Variants in PLEKHA5 observed in about 807,000 individuals in gnomAD.
PLEKHA5 encodes the protein pleckstrin homology domain-containing family A member 5.
In PLEKHA5, 55 loss-of-function variants were observed where a neutral mutation model predicts 181.9. That is an observed-to-expected ratio of 0.30 (90% CI 0.24 to 0.38). The LOEUF is 0.38. PLEKHA5 is among the 10% of genes least tolerant of loss of function. The pLI is 1.00. For synonymous variants in PLEKHA5, 535 were observed against 529.4 expected (o/e 1.01, Z -0.15); for missense variants, 1,432 against 1,549.5 (o/e 0.92, Z 1.27).
intron 21 of PLEKHA5, among the ~76,000 whole-genome samples, chr12:19,338,623 A>G (rs529846434): frequency 1.3e-4 from 19 of 151,832 alleles, no homozygotes; most frequent in Admixed American, 2.6e-4. Context: ...AAAAAAACAC[A>G]AAGTGCTGAG....
intron 28 of PLEKHA5, 55 bp downstream of exon 28, chr12:19,359,601 A>T (rs1034408838): frequency 1.5e-5 from 22 of 1,488,772 alleles, no homozygotes; most frequent in Non-Finnish European, 1.9e-6. Context: ...GTGAAGATTA[A>T]ATCAAGTGGT....
At chr12:19,172,455 A>AC (rs762199301) in intron 3 of PLEKHA5, among the ~76,000 whole-genome samples, 23 of 152,094 alleles carry the variant, frequency 1.5e-4, no homozygotes, top group Non-Finnish European at 2.9e-4. Flanking sequence ...AAAACAAACG[A>AC]CCCGGGGGGG....
rs200294181 is a variant in PLEKHA5, at chr12:19,252,189, C to CA, written c.228-1744dup. 3.0e-3 allele frequency among the ~76,000 whole-genome samples: 455 copies of CA among 151,674 alleles called. 2 individuals carry two copies. Among genetic ancestry groups the CA allele is most frequent in the African/African-American group, 0.011 (441 of 41,364 alleles). On this transcript the variant is annotated intron_variant, in intron 3 of 31. Coordinates refer to ENST00000429027, the MANE Select transcript of PLEKHA5 (RefSeq NM_001256470.2). ...TAAAGCTTCAGAGTATTGAGTTACC[C>CA]AAAAAAATATGAAAATTAGGATTTG... is the stretch of plus-strand genomic sequence containing the variant.
intron 15 of PLEKHA5, among the ~76,000 whole-genome samples, chr12:19,313,989 G>A (rs1275287276): frequency 1.3e-5 from 2 of 152,092 alleles, no homozygotes; most frequent in Non-Finnish European, 2.9e-5. Context: ...TGAAAATTAA[G>A]CGTTACAAAT....
intron 10 of PLEKHA5, among the ~76,000 whole-genome samples, chr12:19,272,600 G>A (rs1426500931): frequency 6.6e-6 from 1 of 152,022 alleles, no homozygotes; most frequent in East Asian, 1.9e-4. Context: ...AGCTAGGTGT[G>A]GTGGCGTGTA....
At chr12:19,262,002 C>T (rs1440418106) in intron 7 of PLEKHA5, among the ~76,000 whole-genome samples, 1 of 152,028 alleles carries the variant, frequency 6.6e-6, no homozygotes, top group Non-Finnish European at 1.5e-5. Flanking sequence ...TAGAGATGTT[C>T]CTTAGGCTGC....
chr12:19,347,066 C>G lies in PLEKHA5; in HGVS notation c.2782C>G (p.Pro928Ala), dbSNP rs773238356. The change falls in exon 24 of 32, where the codon CCC becomes GCC. Residue 928 changes from proline (P) to alanine (A), a missense_variant. By Grantham distance (27) the Pro-to-Ala change is conservative (BLOSUM62 -1). This residue lies in a region of PLEKHA5 where 1,143 missense variants were observed against 1,168.4 expected (regional missense o/e 0.98). Coordinates refer to ENST00000429027, the MANE Select transcript of PLEKHA5 (RefSeq NM_001256470.2). ...YDFTEQPPII[P>A]PLPSDSSSLL... The stretch of plus-strand genomic sequence containing the variant: ...CTTTACAGAGCAGCCTCCCATAATC[C>G]CCCCTCTGCCCAGTGATAGCAGCTC... The G allele has an allele frequency of 1.9e-6, 3 of 1,551,384 alleles. No individual in the cohort carries two copies. The South Asian group carries it at 3.6e-5, about 18-fold the overall frequency.
At chr12:19,268,834 T>A (rs541986752) in intron 8 of PLEKHA5, among the ~76,000 whole-genome samples, 1 of 152,248 alleles carries the variant, frequency 6.6e-6, no homozygotes, top group East Asian at 1.9e-4. Flanking sequence ...ATTTTGTAGG[T>A]GGTTTTAATT....
At chr12:19,240,839 C>T (rs181278397) in intron 3 of PLEKHA5, among the ~76,000 whole-genome samples, 1 of 151,876 alleles carries the variant, frequency 6.6e-6, no homozygotes, top group East Asian at 1.9e-4. Flanking sequence ...GGGTTCTGCC[C>T]AGTTTTATTT....
intron 20 of PLEKHA5, among the ~76,000 whole-genome samples, chr12:19,334,983 GAAAA>G (rs35656695): frequency 2.0e-5 from 1 of 49,964 alleles, no homozygotes; most frequent in African/African-American, 6.3e-5. Flanking sequence ...TTTTTTTTAT[GAAAA>G]AAAAAAAAAA....
At chr12:19,233,290 T>C (rs1248019428) in intron 3 of PLEKHA5, among the ~76,000 whole-genome samples, 2 of 152,150 alleles carry the variant, frequency 1.3e-5, no homozygotes, top group East Asian at 3.9e-4. Context: ...TGGGATTTAA[T>C]GTGCAGTTGT....
intron 28 of PLEKHA5, 106 bp from the exon 29 acceptor site, chr12:19,361,476 C>A (rs2095242752): frequency 1.5e-6 from 1 of 659,536 alleles, no homozygotes; most frequent in East Asian, 2.9e-5. Context: ...AGCCATCACG[C>A]CCGACCGTGA....
At chr12:19,205,672 A>C (rs1184958463) in intron 3 of PLEKHA5, among the ~76,000 whole-genome samples, 2 of 152,114 alleles carry the variant, frequency 1.3e-5, no homozygotes, top group African/African-American at 4.8e-5. Context: ...CTATGATGAT[A>C]CTTTCTCATG....
At chr12:19,273,767 C>A (rs1297731971) in intron 10 of PLEKHA5, among the ~76,000 whole-genome samples, 16 of 152,258 alleles carry the variant, frequency 1.1e-4, no homozygotes, top group Admixed American at 9.8e-4. Context: ...CAGATTCTAA[C>A]CCAAGATTGC....
At chr12:19,258,929 A>G (rs2067601569) in intron 6 of PLEKHA5, among the ~76,000 whole-genome samples, 1 of 152,162 alleles carries the variant, frequency 6.6e-6, no homozygotes, top group South Asian at 2.1e-4. Context: ...CCAAATTATG[A>G]TCCACTATTT....
intron 15 of PLEKHA5, among the ~76,000 whole-genome samples, chr12:19,296,870 G>A (rs954165833): frequency 4.6e-5 from 7 of 152,178 alleles, no homozygotes; most frequent in South Asian, 4.1e-4. Context: ...AAGTTGGAAC[G>A]TGTTTCCCTC....
At chr12:19,197,991 C>T (rs1262779637) in intron 3 of PLEKHA5, among the ~76,000 whole-genome samples, 1 of 152,068 alleles carries the variant, frequency 6.6e-6, no homozygotes, top group African/African-American at 2.4e-5. Context: ...CAAAACGTAT[C>T]CCAAATCTGC....
intron 15 of PLEKHA5, among the ~76,000 whole-genome samples, chr12:19,310,455 C>G (rs1361913748): frequency 6.6e-6 from 1 of 150,892 alleles, no homozygotes; most frequent in Admixed American, 6.6e-5. Flanking sequence ...ATTAAAAATA[C>G]AAAAATTAGC....
At chr12:19,353,640 G>C (rs1379736020) in intron 25 of PLEKHA5, among the ~76,000 whole-genome samples, 1 of 151,910 alleles carries the variant, frequency 6.6e-6, no homozygotes, top group Admixed American at 6.6e-5. Flanking sequence ...TGTATTTTTA[G>C]TGGAGACGGG....
Sources: gnomAD v4.1 joint callset for allele counts (sites outside exome capture counted in the v4.1 genomes callset) on GRCh38, gnomAD v4.1.1 for gene constraint, gnomAD v4.1.1 regional missense constraint, MANE v1.5 for transcripts, NCBI Gene and HGNC (gene_info 2026-07-23, HGNC 2026-07-21) for gene names.